MAGI2: variants seen among roughly 807,000 people sequenced by gnomAD.
MAGI2 encodes the protein membrane associated guanylate kinase, WW and PDZ domain containing 2, also known as membrane-associated guanylate kinase, WW and PDZ domain-containing protein 2.
MAGI2 carries 35 observed loss-of-function variants against 133.3 expected under a neutral mutation model. That is an observed-to-expected ratio of 0.26 (90% CI 0.20 to 0.35). MAGI2 has a LOEUF of 0.35. Ranked by LOEUF, MAGI2 falls within the 10% of genes least tolerant of loss-of-function variation. The probability of loss-of-function intolerance (pLI) is 1.00; values close to 1 mark genes in which losing one functional copy is unlikely to be tolerated. For synonymous variants in MAGI2, 729 were observed against 710.6 expected (o/e 1.03, Z -0.41); for missense variants, 1,636 against 1,863.4 (o/e 0.88, Z 2.25).
chr7:78,300,468 A>G (rs1797730200), intron 9 of MAGI2, among the ~76,000 whole-genome samples: 1 of 152,192 alleles, frequency 6.6e-6, no homozygotes, highest in Non-Finnish European at 1.5e-5. Context: ...GTGAAATTTC[A>G]TATTGCACTT....
intron 10 of MAGI2, among the ~76,000 whole-genome samples, chr7:78,227,366 A>G (rs1789494584): frequency 6.6e-6 from 1 of 152,162 alleles, no homozygotes; most frequent in Non-Finnish European, 1.5e-5. Context: ...CAATTACCCA[A>G]CAGTATCTTG....
At chr7:78,163,723 G>A (rs909878467) in intron 15 of MAGI2, among the ~76,000 whole-genome samples, 1 of 151,862 alleles carries the variant, frequency 6.6e-6, no homozygotes, top group African/African-American at 2.4e-5. Context: ...TGGCTAACAT[G>A]GTGAAACCCC....
At chr7:78,210,203 C>A (rs186136220) in intron 10 of MAGI2, among the ~76,000 whole-genome samples, 13 of 152,264 alleles carry the variant, frequency 8.5e-5, no homozygotes, top group Admixed American at 6.5e-5. Context: ...AGATATTATA[C>A]CTATTTTCTT....
intron 1 of MAGI2, among the ~76,000 whole-genome samples, chr7:79,114,277 T>C (rs567674045): frequency 3.9e-5 from 6 of 152,304 alleles, no homozygotes; most frequent in Admixed American, 3.9e-4. Context: ...CTCCTTACTC[T>C]ATGAAGGATA....
Position 78,791,963 on chromosome 7 carries a change from A to T in MAGI2, c.419-164724T>A, listed in dbSNP as rs971559969. Among the ~76,000 whole-genome samples the T allele has an allele frequency of 2.0e-5, 3 of 152,208 alleles. No individual in the cohort carries two copies. The East Asian group carries it at 5.8e-4, about 29-fold the overall frequency. The stretch of plus-strand genomic sequence containing the variant: ...ATTATGTTTTAGAATTTAGAAAATG[A>T]TCTTTATTTTTAAAAATATGCATAG... On this transcript the variant is annotated intron_variant, in intron 2 of 21. Coordinates refer to ENST00000354212, the MANE Select transcript of MAGI2 (RefSeq NM_012301.4).
chr7:78,386,450 G>A (rs1254925146), intron 6 of MAGI2, among the ~76,000 whole-genome samples: 1 of 152,096 alleles, frequency 6.6e-6, no homozygotes, highest in East Asian at 1.9e-4. Flanking sequence ...GTTCCTGCAA[G>A]GTTTCCTGAT....
At chr7:78,762,967 CCTT>C (rs1053866431) in intron 2 of MAGI2, among the ~76,000 whole-genome samples, 2 of 152,106 alleles carry the variant, frequency 1.3e-5, no homozygotes, top group African/African-American at 4.8e-5. Flanking sequence ...AAACTTCTAG[CCTT>C]CTTCAATAGA....
intron 2 of MAGI2, among the ~76,000 whole-genome samples, chr7:78,639,800 A>G (rs2150985337): frequency 6.6e-6 from 1 of 152,290 alleles, no homozygotes; most frequent in South Asian, 2.1e-4. Flanking sequence ...TGTGGGCCAG[A>G]CACTAAATGT....
At chr7:79,238,751 C>G (rs1832143108) in intron 1 of MAGI2, among the ~76,000 whole-genome samples, 1 of 151,992 alleles carries the variant, frequency 6.6e-6, no homozygotes, top group African/African-American at 2.4e-5. Context: ...GAGCATAAAC[C>G]CTATCTTTGA....
At chr7:78,781,941 G>A (rs1419035773) in intron 2 of MAGI2, among the ~76,000 whole-genome samples, 1 of 152,104 alleles carries the variant, frequency 6.6e-6, no homozygotes, top group Non-Finnish European at 1.5e-5. Flanking sequence ...TAACCCCTTG[G>A]AAGTTCCTAC....
At chr7:78,317,577 C>G (rs539556255) in intron 9 of MAGI2, among the ~76,000 whole-genome samples, 5 of 152,364 alleles carry the variant, frequency 3.3e-5, no homozygotes, top group African/African-American at 1.2e-4. Flanking sequence ...CCGACTTAAA[C>G]GTCTCTGTAT....
At chr7:78,128,597 G>C (rs962115804) in intron 18 of MAGI2, among the ~76,000 whole-genome samples, 1 of 150,810 alleles carries the variant, frequency 6.6e-6, no homozygotes, top group African/African-American at 2.4e-5. Context: ...ACTGGCTTAC[G>C]GTCTTACTGA....
At chr7:79,206,553 G>C (rs1829075390) in intron 1 of MAGI2, among the ~76,000 whole-genome samples, 1 of 151,834 alleles carries the variant, frequency 6.6e-6, no homozygotes, top group South Asian at 2.1e-4. Flanking sequence ...TCAATAATGA[G>C]TAAGGATATT....
intron 1 of MAGI2, among the ~76,000 whole-genome samples, chr7:79,133,282 G>A (rs1821101564): frequency 6.6e-6 from 1 of 152,086 alleles, no homozygotes; most frequent in Non-Finnish European, 1.5e-5. Flanking sequence ...ATAGTTTCAG[G>A]TTTTATATTT....
chr7:79,438,934 A>T (rs117746351), intron 1 of MAGI2, among the ~76,000 whole-genome samples: 2,258 of 152,294 alleles, frequency 0.015, 17 homozygotes, highest in Middle Eastern at 0.037. Context: ...TATAATGTCC[A>T]TAGGCTTTAT....
At chr7:78,777,654 T>C (rs1486187792) in intron 2 of MAGI2, among the ~76,000 whole-genome samples, 2 of 152,222 alleles carry the variant, frequency 1.3e-5, no homozygotes, top group African/African-American at 2.4e-5. Context: ...TCACCATTAT[T>C]ATTACAATAT....
chr7:78,820,765 T>C (rs1790024949), intron 2 of MAGI2, among the ~76,000 whole-genome samples: 1 of 152,024 alleles, frequency 6.6e-6, no homozygotes, highest in Non-Finnish European at 1.5e-5. Context: ...TATTGATGAC[T>C]TGTTTCAGAC....
intron 1 of MAGI2, among the ~76,000 whole-genome samples, chr7:79,283,725 T>C (rs1392337689): frequency 1.3e-5 from 2 of 152,150 alleles, no homozygotes; most frequent in Admixed American, 1.3e-4. Context: ...TACCTAATTT[T>C]GCACTTCTTA....
intron 9 of MAGI2, among the ~76,000 whole-genome samples, chr7:78,274,805 G>A (rs796277164): frequency 7.2e-5 from 11 of 152,274 alleles, no homozygotes; most frequent in African/African-American, 2.4e-4. Context: ...AAGCTCAAGC[G>A]TCCCAGGTCA....
Sources: gnomAD v4.1 joint callset for allele counts (sites outside exome capture counted in the v4.1 genomes callset) on GRCh38, gnomAD v4.1.1 for gene constraint, MANE v1.5 for transcripts, NCBI Gene and HGNC (gene_info 2026-07-23, HGNC 2026-07-21) for gene names.